UVRAG: variants seen among roughly 807,000 people sequenced by gnomAD.
UVRAG encodes the protein UV radiation resistance associated, also known as UV radiation resistance-associated gene protein.
A neutral mutation model predicts 78.0 loss-of-function variants in UVRAG; 19 were observed. That is an observed-to-expected ratio of 0.24 (90% CI 0.17 to 0.36). The LOEUF (loss-of-function observed/expected upper bound fraction) is 0.36. UVRAG is among the 10% of genes least tolerant of loss of function. The probability of loss-of-function intolerance (pLI) is 1.00; values close to 1 mark genes in which losing one functional copy is unlikely to be tolerated. For synonymous variants in UVRAG, 323 were observed against 324.6 expected, an observed-to-expected ratio of 1.00 and a Z score of 0.05; for missense variants, 740 against 853.8, an observed-to-expected ratio of 0.87 and a Z score of 1.66.
chr11:76,011,694 G>A (rs957910633), intron 11 of UVRAG, among the ~76,000 whole-genome samples: 4 of 152,174 alleles, frequency 2.6e-5, no homozygotes, highest in Admixed American at 2.6e-4. Flanking sequence ...AATGTATTGA[G>A]TGTTCTGTGT....
At chr11:75,866,229 A>G (rs966843420) in intron 3 of UVRAG, among the ~76,000 whole-genome samples, 1 of 151,840 alleles carries the variant, frequency 6.6e-6, no homozygotes, top group Non-Finnish European at 1.5e-5. Flanking sequence ...AGGAAAAACA[A>G]ATTACTTCGA....
intron 7 of UVRAG, among the ~76,000 whole-genome samples, chr11:75,966,404 G>A (rs992911905): frequency 6.6e-6 from 1 of 152,184 alleles, no homozygotes; most frequent in South Asian, 2.1e-4. Context: ...GGTAAAATTA[G>A]TTGGGCAGTG....
chr11:76,031,894 T>C (rs1950444603), intron 12 of UVRAG, among the ~76,000 whole-genome samples: 1 of 152,204 alleles, frequency 6.6e-6, no homozygotes, highest in South Asian at 2.1e-4. Flanking sequence ...TTATTTATCA[T>C]AGGACAGCAT....
chr11:76,065,938 C>A, intron 13 of UVRAG, 150 bp downstream of exon 13: 1 of 615,670 alleles, frequency 1.6e-6, no homozygotes, highest in Non-Finnish European at 2.7e-6. Context: ...TTTTTGATCA[C>A]AGTCTTTTTC....
chr11:76,045,229 T>C (rs1302659960), intron 12 of UVRAG, among the ~76,000 whole-genome samples: 1 of 152,198 alleles, frequency 6.6e-6, no homozygotes, highest in Admixed American at 6.5e-5. Context: ...ATTGTACATA[T>C]AAGAACGTGG....
chr11:76,111,300 G>A (rs1333244673), intron 13 of UVRAG, among the ~76,000 whole-genome samples: 1 of 152,136 alleles, frequency 6.6e-6, no homozygotes, highest in East Asian at 1.9e-4. Context: ...ACAGACTCCA[G>A]AAGGATGTGG....
chr11:76,086,957 C>A (rs1239999781), intron 13 of UVRAG, among the ~76,000 whole-genome samples: 1 of 152,210 alleles, frequency 6.6e-6, no homozygotes, highest in East Asian at 1.9e-4. Context: ...GGCAGCACAG[C>A]TAGTCATACC....
At chr11:75,888,429 C>T (rs1217947834) in intron 4 of UVRAG, among the ~76,000 whole-genome samples, 5 of 152,152 alleles carry the variant, frequency 3.3e-5, no homozygotes, top group Non-Finnish European at 7.4e-5. Flanking sequence ...TAGGCGTGAG[C>T]TACTGTGCCA....
chr11:76,131,709 CCAGGGCAAAGATTAAGTACTTA>C (rs1952515258), intron 14 of UVRAG, among the ~76,000 whole-genome samples: 2 of 152,128 alleles, frequency 1.3e-5, no homozygotes, highest in East Asian at 3.9e-4. Context: ...TTGTTAACAT[CCAGGGCAAAGATTAAGTACTTA>C]CACTTATCTG....
chr11:75,881,624 C>G (rs991763104), intron 4 of UVRAG, among the ~76,000 whole-genome samples: 6 of 152,100 alleles, frequency 3.9e-5, no homozygotes, highest in Non-Finnish European at 8.8e-5. Flanking sequence ...GCTATGTTGC[C>G]CTGGCTGGTT....
At chr11:75,881,558 G>C (rs1946945447) in intron 4 of UVRAG, among the ~76,000 whole-genome samples, 1 of 152,196 alleles carries the variant, frequency 6.6e-6, no homozygotes, top group South Asian at 2.1e-4. Flanking sequence ...TTTCCAGCTT[G>C]AGTTTTCCTT....
rs192685236 is a variant in UVRAG, at chr11:75,962,875, T to C, written c.699+1326T>C. 1.9e-3 allele frequency among the ~76,000 whole-genome samples: 289 copies of C among 152,240 alleles called. 2 individuals are homozygous for C. Among genetic ancestry groups the C allele is most frequent in the Non-Finnish European group, 1.5e-3 (105 of 68,008 alleles). ...TATGCTTTATCTCAGTGTGGAAAAATGTATTTTTAATCCTGTTTTTAAAGG... is the reference window on the plus strand; with the variant it reads ...TATGCTTTATCTCAGTGTGGAAAAACGTATTTTTAATCCTGTTTTTAAAGG... On this transcript the variant is annotated intron_variant, in intron 7 of 14. Transcript: ENST00000356136.
intron 5 of UVRAG, among the ~76,000 whole-genome samples, chr11:75,905,885 CTTT>C (rs879808805): frequency 6.8e-6 from 1 of 146,058 alleles, no homozygotes. Flanking sequence ...AACTGCTAAA[CTTT>C]TTTTTTTTTA....
At chr11:76,044,574 C>A (rs919395287) in intron 12 of UVRAG, among the ~76,000 whole-genome samples, 1 of 152,098 alleles carries the variant, frequency 6.6e-6, no homozygotes, top group Non-Finnish European at 1.5e-5. Context: ...GAGTTTGAAA[C>A]CAGCTTGGGC....
chr11:75,985,025 A>G (rs1196861706), intron 8 of UVRAG, among the ~76,000 whole-genome samples: 2 of 152,202 alleles, frequency 1.3e-5, no homozygotes, highest in African/African-American at 4.8e-5. Flanking sequence ...GTAGAATTAC[A>G]GTCAAGAGAA....
At chr11:76,034,446 G>A (rs1489173437) in intron 12 of UVRAG, among the ~76,000 whole-genome samples, 3 of 152,054 alleles carry the variant, frequency 2.0e-5, no homozygotes, top group Non-Finnish European at 2.9e-5. Flanking sequence ...TGATTATCCC[G>A]CCTTGGCCTC....
chr11:76,133,450 C>G (rs1033008775), intron 14 of UVRAG, among the ~76,000 whole-genome samples: 7 of 152,178 alleles, frequency 4.6e-5, no homozygotes, highest in South Asian at 2.1e-4. Flanking sequence ...GAGGCTACAG[C>G]TTCAGGCAGT....
intron 14 of UVRAG, among the ~76,000 whole-genome samples, chr11:76,123,055 A>T (rs1275814100): frequency 6.6e-6 from 1 of 152,182 alleles, no homozygotes; most frequent in East Asian, 1.9e-4. Context: ...AGAAACCCAG[A>T]TTATCTGACT....
At chr11:76,063,153 C>T (rs568557925) in intron 12 of UVRAG, among the ~76,000 whole-genome samples, 103 of 152,174 alleles carry the variant, frequency 6.8e-4, no homozygotes, top group African/African-American at 2.3e-3. Context: ...AGTAGCAGTG[C>T]GTAGAGACTT....
Sources: gnomAD v4.1 joint callset for allele counts (sites outside exome capture counted in the v4.1 genomes callset) on GRCh38, gnomAD v4.1.1 for gene constraint, MANE v1.5 for transcripts, NCBI Gene and HGNC (gene_info 2026-07-23, HGNC 2026-07-21) for gene names.